The following PTPRM variants were observed in gnomAD, a reference collection of about 807,000 sequenced individuals.
The protein encoded by PTPRM is protein tyrosine phosphatase receptor type M, also known as receptor-type tyrosine-protein phosphatase mu.
A neutral mutation model predicts 186.7 loss-of-function variants in PTPRM; 47 were observed. The observed-to-expected ratio is 0.25, with a 90% CI of 0.20 to 0.32. The LOEUF is 0.32. Among genes scored for constraint, PTPRM ranks in the 10% least tolerant of loss-of-function variants. The pLI, the probability that PTPRM is intolerant of heterozygous loss-of-function variation, is 1.00. For missense variants in PTPRM, 1,494 were observed against 1,865.0 expected (o/e 0.80, Z 3.66); for synonymous variants, 668 against 674.9 (o/e 0.99, Z 0.16).
At chr18:7,573,899 G>A (rs1195707764) in intron 1 of PTPRM, among the ~76,000 whole-genome samples, 4 of 152,016 alleles carry the variant, frequency 2.6e-5, no homozygotes, top group Non-Finnish European at 5.9e-5. Context: ...CCCTGAAAGA[G>A]GAGTTTTTAA....
chr18:7,708,938 T>C (rs1243399350), intron 1 of PTPRM, among the ~76,000 whole-genome samples: 1 of 152,170 alleles, frequency 6.6e-6, no homozygotes, highest in Non-Finnish European at 1.5e-5. Context: ...TCAGGTTTGC[T>C]CACTTCATGG....
intron 19 of PTPRM, among the ~76,000 whole-genome samples, chr18:8,291,188 C>T (rs191666487): frequency 1.6e-4 from 25 of 152,132 alleles, no homozygotes; most frequent in Middle Eastern, 3.4e-3. Flanking sequence ...GAGCTTTGGT[C>T]GAATTTGATT....
chr18:8,276,341 A>G (rs1461038777), intron 19 of PTPRM, among the ~76,000 whole-genome samples: 2 of 152,174 alleles, frequency 1.3e-5, no homozygotes, highest in African/African-American at 4.8e-5. Flanking sequence ...TGTGGTCTCC[A>G]CACTGCCCAT....
intron 7 of PTPRM, among the ~76,000 whole-genome samples, chr18:8,054,898 A>C (rs1471382028): frequency 6.6e-6 from 1 of 152,048 alleles, no homozygotes; most frequent in Non-Finnish European, 1.5e-5. Context: ...TTTGCTACGT[A>C]TATAGTTCTA....
intron 19 of PTPRM, among the ~76,000 whole-genome samples, chr18:8,258,035 A>G (rs535100676): frequency 1.3e-5 from 2 of 152,186 alleles, no homozygotes; most frequent in East Asian, 1.9e-4. Flanking sequence ...CACCAGGGAG[A>G]TGCAATAATT....
At chr18:7,712,545 A>G (rs538967139) in intron 1 of PTPRM, among the ~76,000 whole-genome samples, 2 of 152,106 alleles carry the variant, frequency 1.3e-5, no homozygotes, top group Non-Finnish European at 1.5e-5. Flanking sequence ...AGTAGGCTTC[A>G]AAAGGTGGGT....
Position 8,391,409 on chromosome 18 carries a change from A to G in PTPRM, c.4209-3067A>G, listed in dbSNP as rs570881300. Among the ~76,000 whole-genome samples the G allele has an allele frequency of 3.9e-5, 6 of 152,364 alleles. No homozygotes were observed. The East Asian group carries it at 1.2e-3, about 29-fold the overall frequency. On this transcript the variant is annotated intron_variant, in intron 31 of 32. Transcript: ENST00000580170. ...TTCATTCAGTGGAATTCTTCTTAGC[A>G]ATATAAAACAATAAACTACCAATAT...
intron 2 of PTPRM, among the ~76,000 whole-genome samples, chr18:7,858,197 A>T (rs151004693): frequency 1.7e-3 from 253 of 152,366 alleles, no homozygotes; most frequent in Admixed American, 4.0e-3. Flanking sequence ...GTACAAGATT[A>T]CTTCACCAAT....
intron 4 of PTPRM, among the ~76,000 whole-genome samples, chr18:7,914,966 A>T (rs2050469529): frequency 6.6e-6 from 1 of 152,186 alleles, no homozygotes; most frequent in Non-Finnish European, 1.5e-5. Context: ...GGGTTAGGAC[A>T]TAGTCCTCTT....
rs765592087 is a variant in PTPRM at position 8,253,408 on chromosome 18, A to G, written c.2748A>G (p.Glu916=). ...KCAEGYGFKE[E]YESFFEGQSA... ...CGGAGGGCTACGGCTTCAAGGAGGA[A>G]TACGAGGTGAGCACAAGCTCTGTGC... The change falls in exon 19 of 33, where the codon GAA becomes GAG. Residue 916 remains glutamate, a synonymous_variant. Coordinates refer to ENST00000580170, the MANE Select transcript of PTPRM (RefSeq NM_001105244.2). The G allele has an allele frequency of 2.0e-6, 3 of 1,509,436 alleles. No individual in the cohort carries two copies. The highest frequency in any genetic ancestry group is 1.8e-4 in the Middle Eastern group (1 of 5,646). The allele number at this position is 1,509,436 out of a possible 1,614,324, so 93.5% of individuals were successfully genotyped here.
chr18:7,586,308 A>G (rs2143568593), intron 1 of PTPRM, among the ~76,000 whole-genome samples: 1 of 152,222 alleles, frequency 6.6e-6, no homozygotes, highest in African/African-American at 2.4e-5. Flanking sequence ...CTACGGGTGG[A>G]TGAATGGTTC....
intron 23 of PTPRM, among the ~76,000 whole-genome samples, chr18:8,344,448 G>GTA (rs1207996603): frequency 0.16 from 5,433 of 33,286 alleles, 393 homozygotes; most frequent in Admixed American, 0.39. Context: ...GTGTGTGTGT[G>GTA]TATATATATA....
intron 15 of PTPRM, among the ~76,000 whole-genome samples, chr18:8,245,221 C>T (rs189653394): frequency 4.6e-5 from 7 of 152,222 alleles, no homozygotes; most frequent in Admixed American, 6.5e-5. Context: ...CGTGCCTGTC[C>T]CTGAGCTTTG....
intron 1 of PTPRM, among the ~76,000 whole-genome samples, chr18:7,627,632 T>C (rs2038092548): frequency 6.6e-6 from 1 of 152,146 alleles, no homozygotes; most frequent in Admixed American, 6.5e-5. Flanking sequence ...TTGCAGGCCT[T>C]GTGCTAAGGG....
At chr18:8,193,816 C>T (rs1298525892) in intron 14 of PTPRM, among the ~76,000 whole-genome samples, 1 of 152,234 alleles carries the variant, frequency 6.6e-6, no homozygotes, top group Non-Finnish European at 1.5e-5. Context: ...AGGGACAGCA[C>T]CCAGGCCACT....
At position 7,825,281 on chromosome 18, in the gene PTPRM, C is replaced by T. The variant is rs143310956; in HGVS notation, c.196+51010C>T. On this transcript the variant is annotated intron_variant, in intron 2 of 32. Coordinates refer to ENST00000580170, the MANE Select transcript of PTPRM (RefSeq NM_001105244.2). ...AACTACACCATGTTGTAAGTGTTCACGTTTTCAAGGGAAACACAGCTAGGT... is the reference window on the plus strand; with the variant it reads ...AACTACACCATGTTGTAAGTGTTCATGTTTTCAAGGGAAACACAGCTAGGT... 1.8e-3 allele frequency among the ~76,000 whole-genome samples: 267 copies of T among 152,100 alleles called. 1 individual carries two copies. The highest frequency in any genetic ancestry group is 3.8e-3 in the Admixed American group (58 of 15,298).
At chr18:8,196,129 G>A (rs564961542) in intron 14 of PTPRM, among the ~76,000 whole-genome samples, 6 of 152,278 alleles carry the variant, frequency 3.9e-5, no homozygotes, top group Admixed American at 6.5e-5. Context: ...AGTGTGAACC[G>A]TAATTTGGCT....
At chr18:8,110,168 A>C (rs1171161885) in intron 11 of PTPRM, among the ~76,000 whole-genome samples, 2 of 152,224 alleles carry the variant, frequency 1.3e-5, no homozygotes, top group Non-Finnish European at 2.9e-5. Flanking sequence ...CCGAAGTGTC[A>C]CGAGACACAA....
At position 8,052,600 on chromosome 18, in the gene PTPRM, T is replaced by A. The variant is rs1024243276; in HGVS notation, c.1133-17086T>A. On this transcript the variant is annotated intron_variant, in intron 7 of 32. Coordinates refer to ENST00000580170, the MANE Select transcript of PTPRM (RefSeq NM_001105244.2). Reference sequence around the variant, plus strand: ...CACAATGAAATCACCTAACAATCCATTTCTCAGAATGTATCTCTGTTTTTG... The same window carrying A: ...CACAATGAAATCACCTAACAATCCAATTCTCAGAATGTATCTCTGTTTTTG... Among the ~76,000 whole-genome samples the A allele has an allele frequency of 2.0e-5, 3 of 152,182 alleles. No homozygotes were observed. In the East Asian group the frequency reaches 5.8e-4, roughly 29 times the overall value.
Sources: allele counts gnomAD v4.1 joint callset (sites outside exome capture counted in the v4.1 genomes callset), GRCh38; gene constraint gnomAD v4.1.1; transcripts MANE v1.5; gene names NCBI Gene and HGNC (gene_info 2026-07-23, HGNC 2026-07-21).